Variants in SYNPO2 observed in about 807,000 individuals in gnomAD.
The protein encoded by SYNPO2 is synaptopodin 2.
Under a neutral mutation model 85.0 loss-of-function variants are expected in SYNPO2, and 56 were observed. The observed-to-expected ratio is 0.66, with a 90% CI of 0.53 to 0.82. The LOEUF (loss-of-function observed/expected upper bound fraction) is 0.82. Ranked by LOEUF, SYNPO2 falls within the 40% of genes least tolerant of loss-of-function variation. The pLI, the probability that SYNPO2 is intolerant of heterozygous loss-of-function variation, is 0.00. For synonymous variants in SYNPO2, 602 were observed against 591.1 expected (o/e 1.02, Z -0.27); for missense variants, 1,575 against 1,534.2 (o/e 1.03, Z -0.44).
In SYNPO2 at chr4:119,058,548, C is replaced by G. The variant is rs1246558143; in HGVS notation, c.*614C>G. On this transcript the variant is annotated 3_prime_UTR_variant, in exon 5 of 5. Transcript: ENST00000307142. ...GGAGTGCAATGGTGCGATCTTGGCT[C>G]ACTGCAACCTGCGCCTCCTGGGTTC... 2 of 136,626 alleles carry G rather than the reference C, an allele frequency of 1.5e-5. No individual in the cohort carries two copies. The highest frequency in any genetic ancestry group is 5.4e-5 in the African/African-American group (2 of 37,238). The allele number at this position is 136,626 out of a possible 1,614,324, so 8.5% of individuals were successfully genotyped here. A position where few individuals can be genotyped will look rare whatever the true frequency, so the allele number is the denominator to read the frequency against.
intron 4 of SYNPO2, chr4:119,037,579 T>C: frequency 1.0e-6 from 1 of 989,072 alleles, no homozygotes; most frequent in Non-Finnish European, 1.2e-6. Context: ...CAAGTCAGGA[T>C]GACATGAGTG....
chr4:118,951,905 A>T (rs1181245222), intron 1 of SYNPO2, among the ~76,000 whole-genome samples: 1 of 152,208 alleles, frequency 6.6e-6, no homozygotes, highest in East Asian at 1.9e-4. Flanking sequence ...ATTTCATCCC[A>T]GAATTAAACT....
At chr4:118,859,459 A>C (rs1731570514) in intron 1 of SYNPO2, among the ~76,000 whole-genome samples, 1 of 152,066 alleles carries the variant, frequency 6.6e-6, no homozygotes, top group Non-Finnish European at 1.5e-5. Context: ...AGTGCGACTA[A>C]ATTATTTTTT....
chr4:119,044,312 A>G (rs2149198137), intron 4 of SYNPO2, among the ~76,000 whole-genome samples: 1 of 152,320 alleles, frequency 6.6e-6, no homozygotes, highest in South Asian at 2.1e-4. Context: ...AATCCCACAT[A>G]GTTTATGGCA....
Position 119,061,058 on chromosome 4 carries a change from A to T in SYNPO2, c.*3124A>T, listed in dbSNP as rs1437547490. The stretch of plus-strand genomic sequence containing the variant: ...ATATTTGTTTTTTTAAGAGAAAGTA[A>T]ATTTTCACATTAGATTTCTATTCAA... On this transcript the variant is annotated 3_prime_UTR_variant, in exon 5 of 5. Coordinates refer to ENST00000307142, the MANE Select transcript of SYNPO2 (RefSeq NM_133477.3). The T allele has an allele frequency of 6.6e-6, 1 of 152,126 alleles. No homozygotes were observed. The highest frequency in any genetic ancestry group is 1.5e-5 in the Non-Finnish European group (1 of 68,010). 9.4% of individuals were successfully genotyped at this position (152,126 alleles called of 1,614,324 possible). A position where few individuals can be genotyped will look rare whatever the true frequency, so the allele number is the denominator to read the frequency against.
intron 1 of SYNPO2, among the ~76,000 whole-genome samples, chr4:118,909,953 A>G (rs1347014243): frequency 1.3e-5 from 2 of 152,128 alleles, no homozygotes; most frequent in Non-Finnish European, 2.9e-5. Flanking sequence ...TGCGTTCCTG[A>G]TCTCTTCCAT....
rs540440159 is a variant in SYNPO2, at chr4:118,945,760, T to C, written c.105+56619T>C. Among the ~76,000 whole-genome samples, 1,029 of 152,310 alleles carry C rather than the reference T, an allele frequency of 6.8e-3. 4 individuals carry two copies. Among genetic ancestry groups the C allele is most frequent in the South Asian group, 0.025 (120 of 4,826 alleles). ...TAACACTTTTTTTATTTTTTGTTTT[T>C]TTTTGAGATGGAGTCTTGCTCTGTT... is the stretch of plus-strand genomic sequence containing the variant. On this transcript the variant is annotated intron_variant, in intron 1 of 4. Coordinates refer to ENST00000307142, the MANE Select transcript of SYNPO2 (RefSeq NM_133477.3).
At chr4:119,020,514 T>G (rs1737682114) in intron 1 of SYNPO2, among the ~76,000 whole-genome samples, 1 of 152,194 alleles carries the variant, frequency 6.6e-6, no homozygotes. Context: ...TTTCATCTTC[T>G]TCTGCAATCC....
chr4:118,912,762 A>G (rs2149124673), intron 1 of SYNPO2, among the ~76,000 whole-genome samples: 1 of 152,312 alleles, frequency 6.6e-6, no homozygotes, highest in South Asian at 2.1e-4. Context: ...AGTAGTTCAG[A>G]AAAAAATAGG....
chr4:118,986,307 A>G (rs1372038956), intron 1 of SYNPO2, among the ~76,000 whole-genome samples: 2 of 152,236 alleles, frequency 1.3e-5, no homozygotes, highest in Non-Finnish European at 2.9e-5. Context: ...GTAACCATGA[A>G]TGTACAACTC....
At chr4:118,941,841 G>T (rs1367372818) in intron 1 of SYNPO2, among the ~76,000 whole-genome samples, 1 of 152,210 alleles carries the variant, frequency 6.6e-6, no homozygotes, top group Non-Finnish European at 1.5e-5. Context: ...AAAGAACGAG[G>T]GGAAGGCAGA....
chr4:118,888,900 TGCA>T lies in SYNPO2; in HGVS notation c.-131_-129del. On this transcript the variant is annotated 5_prime_UTR_variant, in exon 1 of 5. Coordinates refer to ENST00000307142, the MANE Select transcript of SYNPO2 (RefSeq NM_133477.3). The stretch of plus-strand genomic sequence containing the variant: ...CTGGGGCGGCGGCTGGGGCAGCGGC[TGCA>T]GCAGCGGCGGACGCTCTGCATTACC... The T allele has an allele frequency of 1.2e-6, 1 of 852,628 alleles. No individual in the cohort carries two copies. Among genetic ancestry groups the T allele is most frequent in the South Asian group, 1.5e-5 (1 of 66,998 alleles). The allele number at this position is 852,628 out of a possible 1,614,324, so 52.8% of individuals were successfully genotyped here. A position where few individuals can be genotyped will look rare whatever the true frequency, so the allele number is the denominator to read the frequency against.
At chr4:118,963,689 G>T (rs1173157664) in intron 1 of SYNPO2, among the ~76,000 whole-genome samples, 1 of 152,136 alleles carries the variant, frequency 6.6e-6, no homozygotes, top group East Asian at 1.9e-4. Flanking sequence ...AATTCTCAGG[G>T]AAATGAGGAT....
intron 1 of SYNPO2, among the ~76,000 whole-genome samples, chr4:118,940,205 C>T (rs760887625): frequency 1.3e-5 from 2 of 151,664 alleles, no homozygotes; most frequent in Non-Finnish European, 1.5e-5. Context: ...AGGCTGGTGT[C>T]GATCTCTCGA....
In SYNPO2 at chr4:119,032,010, A is replaced by T; in HGVS notation, c.3235A>T (p.Ser1079Cys). ...APRPKFSAKK[S>C]GVTIQESGRS... ...AAGGCCAAAGTTCTCAGCCAAGAAA[A>T]GTGGTGTCACAATTCAGGTGTGGAA... The change falls in exon 4 of 5, where the codon AGT (serine) becomes TGT (cysteine). Residue 1079 changes from serine to cysteine, a missense_variant. Transcript: ENST00000307142. The T allele has an allele frequency of 6.2e-7, 1 of 1,614,152 alleles. No individual in the cohort carries two copies. Among genetic ancestry groups the T allele is most frequent in the Non-Finnish European group, 8.5e-7 (1 of 1,180,018 alleles).
chr4:118,857,441 A>C (rs943102810), intron 1 of SYNPO2, among the ~76,000 whole-genome samples: 34 of 152,292 alleles, frequency 2.2e-4, no homozygotes, highest in African/African-American at 7.9e-4. Flanking sequence ...TGATAACCTC[A>C]AAGGCTAGCA....
chr4:118,904,227 C>T lies in SYNPO2; in HGVS notation c.105+15086C>T, dbSNP rs140263383. Among the ~76,000 whole-genome samples, 825 of 146,222 alleles carry T rather than the reference C, an allele frequency of 5.6e-3. 7 individuals are homozygous for T. Among genetic ancestry groups the T allele is most frequent in the Admixed American group, 9.0e-3 (126 of 14,032 alleles). ...TTCAAATCACTTAGTACTTAGAAAA[C>T]ATTCAAGAGTTTAAAAATTATTATT... On this transcript the variant is annotated intron_variant, in intron 1 of 4. Transcript: ENST00000307142.
At position 118,858,015 on chromosome 4, in the gene SYNPO2, C is replaced by T. The variant is rs1009702109; in HGVS notation, c.12+7075C>T. On this transcript the variant is annotated intron_variant, in intron 1 of 4. Coordinates refer to the SYNPO2 transcript ENST00000610556. ...ATTGAAAAACACAGGGCTTTCTGGC[C>T]GTTAAGTTCTCAGGGTCCATTCTTG... Among the ~76,000 whole-genome samples, 4 of 152,268 alleles carry T rather than the reference C, an allele frequency of 2.6e-5. No individual in the cohort carries two copies. In the South Asian group the frequency reaches 6.2e-4, roughly 24 times the overall value.
intron 1 of SYNPO2, among the ~76,000 whole-genome samples, chr4:118,914,192 A>G (rs1471958553): frequency 6.6e-6 from 1 of 152,192 alleles, no homozygotes; most frequent in Non-Finnish European, 1.5e-5. Flanking sequence ...ATGAGCAATT[A>G]TAGAAAAAAA....
Sources: gnomAD v4.1 joint callset for allele counts (sites outside exome capture counted in the v4.1 genomes callset) on GRCh38, gnomAD v4.1.1 for gene constraint, MANE v1.5 for transcripts, NCBI Gene and HGNC (gene_info 2026-07-23, HGNC 2026-07-21) for gene names.